The following ST6GAL2 variants were observed in gnomAD, a reference collection of about 807,000 sequenced individuals.
ST6GAL2 encodes the protein beta-galactoside alpha-2,6-sialyltransferase 2.
ST6GAL2 carries 24 observed loss-of-function variants against 37.5 expected under a neutral mutation model. The observed-to-expected ratio is 0.64, with a 90% CI of 0.46 to 0.90. The LOEUF (loss-of-function observed/expected upper bound fraction) is 0.90. Ranked by LOEUF, ST6GAL2 falls within the 40% of genes least tolerant of loss-of-function variation. The probability of loss-of-function intolerance (pLI) is 0.00; values close to 1 mark genes in which losing one functional copy is unlikely to be tolerated. For synonymous variants in ST6GAL2, 306 were observed against 295.1 expected (o/e 1.04, Z -0.38); for missense variants, 715 against 712.7 (o/e 1.00, Z -0.04).
At chr2:106,827,540 C>G (rs1203203840) in intron 5 of ST6GAL2, among the ~76,000 whole-genome samples, 1 of 152,150 alleles carries the variant, frequency 6.6e-6, no homozygotes, top group Non-Finnish European at 1.5e-5. Context: ...CCTCGCCCAC[C>G]CCCAACCCTT....
At chr2:106,812,248 G>A (rs1675639134) in intron 5 of ST6GAL2, among the ~76,000 whole-genome samples, 1 of 152,180 alleles carries the variant, frequency 6.6e-6, no homozygotes, top group South Asian at 2.1e-4. Flanking sequence ...ACTGACCAGC[G>A]CCTGCTCTCT....
At chr2:106,866,974 A>G (rs1309079139) in intron 1 of ST6GAL2, among the ~76,000 whole-genome samples, 1 of 152,174 alleles carries the variant, frequency 6.6e-6, no homozygotes, top group East Asian at 1.9e-4. Context: ...TAACAATAAC[A>G]GAAAAAAACA....
Sources: gnomAD v4.1 joint callset for allele counts (sites outside exome capture counted in the v4.1 genomes callset) on GRCh38, gnomAD v4.1.1 for gene constraint, MANE v1.5 for transcripts, NCBI Gene and HGNC (gene_info 2026-07-23, HGNC 2026-07-21) for gene names.